FRS2: variants seen among roughly 807,000 people sequenced by gnomAD.
The protein encoded by FRS2 is fibroblast growth factor receptor substrate 2, also known as FGFR signalling adaptor.
A neutral mutation model predicts 43.9 loss-of-function variants in FRS2; 8 were observed. That is an observed-to-expected ratio of 0.18 (90% CI 0.11 to 0.33). FRS2 has a LOEUF of 0.33. Ranked by LOEUF, FRS2 falls within the 10% of genes least tolerant of loss-of-function variation. The pLI is 1.00. For missense variants in FRS2, 534 were observed against 627.6 expected (o/e 0.85, Z 1.59); for synonymous variants, 219 against 220.3 (o/e 0.99, Z 0.05).
chr12:69,522,190 T>TTGTG (rs201103216), intron 1 of FRS2, among the ~76,000 whole-genome samples: 12,714 of 134,646 alleles, frequency 0.094, 712 homozygotes, highest in African/African-American at 0.12. Context: ...GAAGTTTTCT[T>TTGTG]TGTGTGTGTG....
At chr12:69,489,335 CAACT>C (rs1309831000) in intron 1 of FRS2, among the ~76,000 whole-genome samples, 2 of 151,700 alleles carry the variant, frequency 1.3e-5, no homozygotes, top group Non-Finnish European at 2.9e-5. Flanking sequence ...TTTTTTGCAC[CAACT>C]GTGTAAGAAA....
At chr12:69,512,712 C>T (rs1874578917) in intron 1 of FRS2, among the ~76,000 whole-genome samples, 1 of 152,166 alleles carries the variant, frequency 6.6e-6, no homozygotes, top group African/African-American at 2.4e-5. Flanking sequence ...TACTTTATAA[C>T]ACATCCCGGG....
intron 1 of FRS2, among the ~76,000 whole-genome samples, chr12:69,481,905 C>T (rs1019335514): frequency 4.0e-5 from 6 of 151,888 alleles, no homozygotes; most frequent in East Asian, 1.9e-4. Flanking sequence ...ATTTTAACTT[C>T]GGTCAAGATA....
intron 3 of FRS2, among the ~76,000 whole-genome samples, chr12:69,550,078 C>T (rs1305996237): frequency 6.6e-6 from 1 of 152,218 alleles, no homozygotes; most frequent in Non-Finnish European, 1.5e-5. Flanking sequence ...TGTTGAGCAT[C>T]TCCATTTGGA....
At position 69,498,806 on chromosome 12, in the gene FRS2, G is replaced by A. The variant is rs116574380; in HGVS notation, c.-261+28276G>A. 5.5e-3 allele frequency among the ~76,000 whole-genome samples: 840 copies of A among 152,266 alleles called. 9 individuals are homozygous for A. Among genetic ancestry groups the A allele is most frequent in the African/African-American group, 0.018 (766 of 41,552 alleles). ...GTGAGCCAAGCACATAAAGTCAGGT[G>A]TATTTGTGGTAGTGGGCAAACCAGC... On this transcript the variant is annotated intron_variant, in intron 1 of 8. Transcript: ENST00000549921.
intron 8 of FRS2, among the ~76,000 whole-genome samples, chr12:69,573,260 G>A (rs559442897): frequency 1.3e-5 from 2 of 152,104 alleles, no homozygotes; most frequent in Admixed American, 1.3e-4. Flanking sequence ...ATCTAGTGGA[G>A]TTAATCTTCT....
At chr12:69,527,628 A>C (rs73142614) in intron 1 of FRS2, among the ~76,000 whole-genome samples, 1 of 152,038 alleles carries the variant, frequency 6.6e-6, no homozygotes, top group South Asian at 2.1e-4. Flanking sequence ...TCCTGAGGCT[A>C]TCTCTGATTT....
chr12:69,556,180 C>T (rs1389947414), intron 3 of FRS2, among the ~76,000 whole-genome samples: 5 of 152,188 alleles, frequency 3.3e-5, no homozygotes, highest in African/African-American at 1.2e-4. Context: ...GGATTACAGG[C>T]GTAAGCCAGC....
intron 3 of FRS2, among the ~76,000 whole-genome samples, chr12:69,551,397 A>G (rs1038658232): frequency 6.6e-6 from 1 of 152,174 alleles, no homozygotes; most frequent in Non-Finnish European, 1.5e-5. Context: ...ATTATATGTT[A>G]TTGTAAGTTG....
At chr12:69,477,394 T>G (rs1870905034) in intron 1 of FRS2, among the ~76,000 whole-genome samples, 1 of 150,576 alleles carries the variant, frequency 6.6e-6, no homozygotes, top group African/African-American at 2.4e-5. Flanking sequence ...GCCATTCTCC[T>G]GCCTCAGCCT....
rs1874467930 is a variant in FRS2 at position 69,511,661 on chromosome 12, CAAAGGAATGG to C, written c.-260-19203_-260-19194del. On this transcript the variant is annotated intron_variant, in intron 1 of 8. Coordinates refer to ENST00000549921, the MANE Select transcript of FRS2 (RefSeq NM_001278356.2). ...AGTCGTTGAGTTCTATGATCCATTA[CAAAGGAATGG>C]TAAACTGCTCATATCCGTGTTAGGG... Among the ~76,000 whole-genome samples the C allele has an allele frequency of 2.6e-5, 4 of 152,132 alleles. No homozygotes were observed. In the South Asian group the frequency reaches 8.3e-4, roughly 32 times the overall value.
intron 1 of FRS2, among the ~76,000 whole-genome samples, chr12:69,474,177 G>GT (rs1870559539): frequency 6.6e-6 from 1 of 152,148 alleles, no homozygotes; most frequent in Admixed American, 6.5e-5. Flanking sequence ...GATGTTGACG[G>GT]TGGTACTCTT....
chr12:69,564,980 A>G (rs1880167145), intron 4 of FRS2, among the ~76,000 whole-genome samples: 1 of 152,220 alleles, frequency 6.6e-6, no homozygotes. Context: ...CCACTCATAT[A>G]TCACTTAATG....
At chr12:69,481,594 T>G (rs1459919952) in intron 1 of FRS2, among the ~76,000 whole-genome samples, 1 of 152,162 alleles carries the variant, frequency 6.6e-6, no homozygotes, top group African/African-American at 2.4e-5. Flanking sequence ...GCCCGAGAAA[T>G]TTAACGTTGA....
chr12:69,524,339 T>C (rs551162481), intron 1 of FRS2, among the ~76,000 whole-genome samples: 1 of 150,618 alleles, frequency 6.6e-6, no homozygotes. Flanking sequence ...GCTGGCAAAG[T>C]GATGTGAGGG....
intron 1 of FRS2, among the ~76,000 whole-genome samples, chr12:69,526,150 C>T (rs1323992578): frequency 6.6e-6 from 1 of 152,136 alleles, no homozygotes; most frequent in Non-Finnish European, 1.5e-5. Context: ...AGCCATGGTG[C>T]CTGGCCCATC....
At chr12:69,492,776 A>G (rs553634684) in intron 1 of FRS2, among the ~76,000 whole-genome samples, 79 of 152,304 alleles carry the variant, frequency 5.2e-4, no homozygotes, top group African/African-American at 1.8e-3. Flanking sequence ...GTTTAGAGGT[A>G]TCTAGGGCTG....
chr12:69,531,391 G>C lies in FRS2; in HGVS notation c.-165+431G>C, dbSNP rs866422113. ...CTTGTATTTTTGGTTTTACTTTGTA[G>C]TACAAATTCTACCATACAGCTCTAA... On this transcript the variant is annotated intron_variant, in intron 2 of 8. Transcript: ENST00000549921. Among the ~76,000 whole-genome samples the C allele has an allele frequency of 2.6e-5, 4 of 151,972 alleles. No individual in the cohort carries two copies. The Middle Eastern group carries it at 0.01, about 390-fold the overall frequency.
chr12:69,475,943 A>G (rs1795189266), intron 1 of FRS2, among the ~76,000 whole-genome samples: 1 of 152,164 alleles, frequency 6.6e-6, no homozygotes, highest in African/African-American at 2.4e-5. Flanking sequence ...CTTTTATGAA[A>G]TAGTGGTGAT....
Sources: allele counts gnomAD v4.1 joint callset (sites outside exome capture counted in the v4.1 genomes callset), GRCh38; gene constraint gnomAD v4.1.1; transcripts MANE v1.5; gene names NCBI Gene and HGNC (gene_info 2026-07-23, HGNC 2026-07-21).